The following SUCLA2 variants were observed in gnomAD, a reference collection of about 807,000 sequenced individuals.
The protein encoded by SUCLA2 is succinate--CoA ligase [ADP-forming] subunit beta, mitochondrial.
A neutral mutation model predicts 54.8 loss-of-function variants in SUCLA2; 30 were observed. The observed-to-expected ratio is 0.55, with a 90% CI of 0.41 to 0.74. The LOEUF is 0.74. Ranked by LOEUF, SUCLA2 falls within the 30% of genes least tolerant of loss-of-function variation. The pLI is 0.00. For missense variants in SUCLA2, 476 were observed against 562.9 expected, an observed-to-expected ratio of 0.85 and a Z score of 1.56; for synonymous variants, 172 against 188.9, an observed-to-expected ratio of 0.91 and a Z score of 0.74.
intron 4 of SUCLA2, among the ~76,000 whole-genome samples, chr13:47,984,526 G>T (rs182614488): frequency 6.6e-6 from 1 of 152,122 alleles, no homozygotes; most frequent in African/African-American, 2.4e-5. Context: ...CTTAACCTAA[G>T]TTCTTCTTCT....
chr13:47,949,482 C>T lies in SUCLA2; in HGVS notation c.1228+1G>A. On this transcript the variant is annotated splice_donor_variant, in intron 9 of 10. Coordinates refer to ENST00000646932, the MANE Select transcript of SUCLA2 (RefSeq NM_003850.3). LOFTEE classifies it high-confidence loss of function. ...AACTGCAAGATACCTTTTATACTCA[C>T]CTTGTAACCGTACCACAACAGGTAT... is the stretch of plus-strand genomic sequence containing the variant. The T allele has an allele frequency of 6.2e-7, 1 of 1,613,434 alleles. No individual in the cohort carries two copies. Among genetic ancestry groups the T allele is most frequent in the Non-Finnish European group, 8.5e-7 (1 of 1,179,538 alleles).
At chr13:47,965,977 G>A (rs1045784548) in intron 6 of SUCLA2, among the ~76,000 whole-genome samples, 5 of 152,264 alleles carry the variant, frequency 3.3e-5, no homozygotes, top group African/African-American at 1.2e-4. Context: ...GAACCCGGGA[G>A]GTGGAGCTTG....
intron 5 of SUCLA2, among the ~76,000 whole-genome samples, chr13:47,969,227 AC>A (rs970269387): frequency 6.6e-6 from 1 of 152,132 alleles, no homozygotes; most frequent in African/African-American, 2.4e-5. Context: ...TAAAATGTGG[AC>A]TGACAACCCT....
intron 6 of SUCLA2, among the ~76,000 whole-genome samples, chr13:47,964,936 A>C (rs1315434338): frequency 6.6e-6 from 1 of 151,558 alleles, no homozygotes; most frequent in Non-Finnish European, 1.5e-5. Context: ...TATTTGTTTC[A>C]ATATTGTAAG....
In SUCLA2 at chr13:47,948,942, T is replaced by C; in HGVS notation, c.1315A>G (p.Met439Val). 6.2e-7 allele frequency: 1 copy of C among 1,613,810 alleles called. No homozygotes were observed. The highest frequency in any genetic ancestry group is 1.7e-5 in the Admixed American group (1 of 60,018). The change falls in exon 10 of 11, where the codon ATG becomes GTG. Residue 439 changes from methionine to valine, a missense_variant and splice_region_variant. Met to Val is a conservative substitution (Grantham distance 21, BLOSUM62 1). Transcript: ENST00000646932. ...TTAGATGAACATGGCCAATTTACCA[T>C]TCTAGCAGCTTCATCCAAGTCATCA... ...ACDDLDEAAR[M>V]VVKLSEIVTL... is the part of the protein sequence containing the mutation.
intron 10 of SUCLA2, among the ~76,000 whole-genome samples, chr13:47,944,078 C>G (rs1375862966): frequency 6.6e-6 from 1 of 152,104 alleles, no homozygotes; most frequent in African/African-American, 2.4e-5. Flanking sequence ...CTCAGCTTCT[C>G]TCTTCCTCAG....
chr13:47,999,227 G>A (rs1397387296), intron 1 of SUCLA2, among the ~76,000 whole-genome samples: 1 of 152,146 alleles, frequency 6.6e-6, no homozygotes, highest in Non-Finnish European at 1.5e-5. Flanking sequence ...GGGACAACTA[G>A]AAAAATCTGA....
intron 5 of SUCLA2, chr13:47,972,207 G>A (rs1253347792): frequency 1.2e-5 from 3 of 254,232 alleles, no homozygotes; most frequent in Admixed American, 5.5e-5. Flanking sequence ...GTGAGCCAAG[G>A]TGGCAACACT....
chr13:47,964,135 TGAAAAA>T (rs1354200852), intron 6 of SUCLA2, among the ~76,000 whole-genome samples: 3 of 151,864 alleles, frequency 2.0e-5, no homozygotes, highest in Non-Finnish European at 4.4e-5. Flanking sequence ...TACTCAGCAA[TGAAAAA>T]GAAAAAGATG....
intron 2 of SUCLA2, chr13:47,991,488 ACCAATCCC>A (rs1950148500): frequency 1.3e-5 from 2 of 152,178 alleles, no homozygotes; most frequent in African/African-American, 2.4e-5. Context: ...CCCACCTGTG[ACCAATCCC>A]CCTTACCTAC....
chr13:47,983,013 T>C (rs145008862), intron 4 of SUCLA2, among the ~76,000 whole-genome samples: 2 of 152,232 alleles, frequency 1.3e-5, no homozygotes, highest in East Asian at 3.9e-4. Context: ...CCACCAAAAT[T>C]GAGACTGGTG....
intron 4 of SUCLA2, among the ~76,000 whole-genome samples, chr13:47,976,174 A>G (rs1950011111): frequency 6.6e-6 from 1 of 152,208 alleles, no homozygotes; most frequent in Non-Finnish European, 1.5e-5. Context: ...GCAAGATGAC[A>G]AAATAGGAAG....
chr13:47,960,628 T>A (rs1593483474), intron 6 of SUCLA2, among the ~76,000 whole-genome samples: 1 of 152,118 alleles, frequency 6.6e-6, no homozygotes, highest in Non-Finnish European at 1.5e-5. Context: ...TTATATTGAT[T>A]AGGATTTCTC....
chr13:48,000,864 A>G, intron 1 of SUCLA2: 10 of 1,185,514 alleles, frequency 8.4e-6, no homozygotes, highest in Non-Finnish European at 1.1e-5. Flanking sequence ...CCGGAATGGC[A>G]GCAGAAAATG....
intron 4 of SUCLA2, among the ~76,000 whole-genome samples, chr13:47,976,021 A>C (rs1158617231): frequency 4.6e-5 from 7 of 152,182 alleles, no homozygotes; most frequent in Admixed American, 4.6e-4. Context: ...CCAACGCAGG[A>C]GGACTGCTTG....
intron 4 of SUCLA2, among the ~76,000 whole-genome samples, chr13:47,977,328 G>A (rs1024540762): frequency 1.3e-5 from 2 of 152,024 alleles, no homozygotes; most frequent in African/African-American, 2.4e-5. Flanking sequence ...GGACCAAATG[G>A]CTTCACTGGA....
At chr13:47,973,743 G>C (rs1949986628) in intron 4 of SUCLA2, among the ~76,000 whole-genome samples, 1 of 152,122 alleles carries the variant, frequency 6.6e-6, no homozygotes, top group Non-Finnish European at 1.5e-5. Flanking sequence ...ATATACCATG[G>C]AATACTATGC....
At chr13:47,973,182 C>A (rs1949982381) in intron 5 of SUCLA2, 82 bp downstream of exon 5, 2 of 1,229,090 alleles carry the variant, frequency 1.6e-6, no homozygotes, top group East Asian at 4.7e-5. Context: ...TAAGTTTTGA[C>A]AATTACTTCA....
chr13:47,949,561 AGC>A lies in SUCLA2; in HGVS notation c.1148_1149del (p.Arg383LeufsTer2), dbSNP rs1405166063. The A allele has an allele frequency of 6.2e-7, 1 of 1,613,600 alleles. No individual in the cohort carries two copies. The highest frequency in any genetic ancestry group is 1.1e-5 in the South Asian group (1 of 91,070). On this transcript the variant is annotated frameshift_variant, in exon 9 of 11. Transcript: ENST00000646932. LOFTEE classifies it high-confidence loss of function. ...ACTATACCCTGTGCAATAACATCAC[AGC>A]GCATGATTCCTCCAAAAATGTTGAC... The part of the protein sequence containing the change: ...ILVNIFGGIM[R>X]CDVIAQGIVM...
Sources: gnomAD v4.1 joint callset for allele counts (sites outside exome capture counted in the v4.1 genomes callset) on GRCh38, gnomAD v4.1.1 for gene constraint, MANE v1.5 for transcripts, NCBI Gene and HGNC (gene_info 2026-07-23, HGNC 2026-07-21) for gene names.